MEMO1: variants seen among roughly 807,000 people sequenced by gnomAD.
The protein encoded by MEMO1 is protein MEMO1.
Under a neutral mutation model 45.2 loss-of-function variants are expected in MEMO1, and 6 were observed. The ratio of observed to expected loss-of-function variants is 0.13; its 90% CI spans 0.07 to 0.26. The LOEUF (loss-of-function observed/expected upper bound fraction) is 0.26, where lower values mean the gene tolerates loss of function less well. Among genes scored for constraint, MEMO1 ranks in the 10% least tolerant of loss-of-function variants. The probability of loss-of-function intolerance (pLI) is 1.00; values close to 1 mark genes in which losing one functional copy is unlikely to be tolerated. For synonymous variants in MEMO1, 78 were observed against 124.3 expected, an observed-to-expected ratio of 0.63 and a Z score of 2.48; for missense variants, 184 against 370.5, an observed-to-expected ratio of 0.50 and a Z score of 4.13.
At chr2:31,914,406 A>T (rs1681099098) in intron 6 of MEMO1, among the ~76,000 whole-genome samples, 1 of 152,324 alleles carries the variant, frequency 6.6e-6, no homozygotes. Flanking sequence ...ACAAAACAAA[A>T]TGAGTAAGAA....
intron 8 of MEMO1, among the ~76,000 whole-genome samples, chr2:31,873,639 A>G (rs1239344434): frequency 6.6e-6 from 1 of 152,190 alleles, no homozygotes; most frequent in Non-Finnish European, 1.5e-5. Context: ...GTAGCAAAAC[A>G]TTTTAGAGGC....
chr2:31,940,793 A>G (rs1470357659), intron 3 of MEMO1, among the ~76,000 whole-genome samples: 6 of 152,154 alleles, frequency 3.9e-5, no homozygotes. Context: ...TAGGCCTCCC[A>G]AAGGGCTGGG....
chr2:31,920,205 T>C (rs963222015), intron 5 of MEMO1, among the ~76,000 whole-genome samples: 3 of 151,898 alleles, frequency 2.0e-5, no homozygotes, highest in Admixed American at 1.3e-4. Context: ...AATCAAAAGA[T>C]TTTTACTTTA....
At chr2:32,008,638 T>A (rs1352965368) in intron 2 of MEMO1, among the ~76,000 whole-genome samples, 2 of 152,140 alleles carry the variant, frequency 1.3e-5, no homozygotes, top group African/African-American at 2.4e-5. Context: ...TGAACAAGAA[T>A]AATTTAACTG....
chr2:31,943,260 T>A, intron 3 of MEMO1, 42 bp downstream of exon 3: 1 of 1,483,308 alleles, frequency 6.7e-7, no homozygotes, highest in Non-Finnish European at 9.4e-7. Flanking sequence ...GGGAGACTCC[T>A]TCTCAAAAAA....
chr2:31,901,450 T>C (rs986392479), intron 6 of MEMO1, among the ~76,000 whole-genome samples: 8 of 145,016 alleles, frequency 5.5e-5, no homozygotes, highest in African/African-American at 2.1e-4. Flanking sequence ...TCAAAAACAG[T>C]ATCCTAAGTG....
intron 2 of MEMO1, among the ~76,000 whole-genome samples, chr2:31,957,142 C>CAA (rs754542523): frequency 5.4e-4 from 42 of 77,660 alleles, no homozygotes; most frequent in African/African-American, 1.8e-3. Flanking sequence ...AACTCCGTCT[C>CAA]AAAAAAAAAA....
At chr2:31,897,396 T>C (rs1483549633) in intron 6 of MEMO1, among the ~76,000 whole-genome samples, 1 of 152,230 alleles carries the variant, frequency 6.6e-6, no homozygotes, top group Non-Finnish European at 1.5e-5. Context: ...ATTCCATCAA[T>C]ATCTAGTTTA....
intron 2 of MEMO1, among the ~76,000 whole-genome samples, chr2:31,979,763 T>C (rs1670424153): frequency 2.0e-5 from 3 of 152,082 alleles, no homozygotes; most frequent in South Asian, 2.1e-4. Flanking sequence ...ATTGCTTTAG[T>C]TGATGATTGT....
intron 7 of MEMO1, among the ~76,000 whole-genome samples, chr2:31,887,433 T>G (rs1179831359): frequency 6.6e-6 from 1 of 152,160 alleles, no homozygotes; most frequent in Admixed American, 6.6e-5. Flanking sequence ...CTGTCACACA[T>G]TTACTTAATC....
intron 8 of MEMO1, among the ~76,000 whole-genome samples, chr2:31,875,758 C>T (rs985299843): frequency 1.3e-5 from 2 of 152,090 alleles, no homozygotes; most frequent in African/African-American, 4.8e-5. Flanking sequence ...GCAATCTCGG[C>T]TCACTGTAAC....
intron 6 of MEMO1, among the ~76,000 whole-genome samples, chr2:31,910,220 T>C (rs941775462): frequency 1.3e-5 from 2 of 151,622 alleles, no homozygotes; most frequent in African/African-American, 4.8e-5. Flanking sequence ...ATTGAGGGAG[T>C]TTGTCAATTT....
At chr2:31,894,680 G>C (rs145504938) in intron 6 of MEMO1, among the ~76,000 whole-genome samples, 11 of 152,282 alleles carry the variant, frequency 7.2e-5, no homozygotes, top group African/African-American at 2.6e-4. Flanking sequence ...AAACCTGAGA[G>C]ACCTAGCTCT....
At chr2:31,912,048 T>G (rs1278818882) in intron 6 of MEMO1, among the ~76,000 whole-genome samples, 2 of 152,040 alleles carry the variant, frequency 1.3e-5, no homozygotes, top group Non-Finnish European at 2.9e-5. Flanking sequence ...AAAAAGCAAT[T>G]ATAGGCTGGG....
chr2:31,942,339 G>T (rs1288592980), intron 3 of MEMO1, among the ~76,000 whole-genome samples: 1 of 151,904 alleles, frequency 6.6e-6, no homozygotes, highest in Admixed American at 6.6e-5. Flanking sequence ...AAATCATCGG[G>T]ATTAAATTAG....
At chr2:32,001,032 A>ATTTTTT (rs66617379) in intron 2 of MEMO1, among the ~76,000 whole-genome samples, 89 of 104,508 alleles carry the variant, frequency 8.5e-4, no homozygotes, top group Non-Finnish European at 1.1e-3. Context: ...ATAAATTTTG[A>ATTTTTT]TTTTTTTTTT....
At chr2:31,934,934 TA>T (rs1664737425) in intron 3 of MEMO1, among the ~76,000 whole-genome samples, 1 of 152,034 alleles carries the variant, frequency 6.6e-6, no homozygotes, top group African/African-American at 2.4e-5. Context: ...TGATAGAGTC[TA>T]AAAAAGAAAA....
intron 6 of MEMO1, among the ~76,000 whole-genome samples, chr2:31,898,619 G>A (rs1213067503): frequency 2.0e-5 from 3 of 152,132 alleles, no homozygotes; most frequent in African/African-American, 7.2e-5. Context: ...GCTGAGGAGT[G>A]TTTTACTTCC....
chr2:32,001,967 G>T (rs1188295304), intron 2 of MEMO1, among the ~76,000 whole-genome samples: 2 of 151,478 alleles, frequency 1.3e-5, no homozygotes, highest in African/African-American at 2.4e-5. Flanking sequence ...CCAACATGGT[G>T]AAACCCCGTC....
Sources: allele counts gnomAD v4.1 joint callset (sites outside exome capture counted in the v4.1 genomes callset), GRCh38; gene constraint gnomAD v4.1.1; transcripts MANE v1.5; gene names NCBI Gene and HGNC (gene_info 2026-07-23, HGNC 2026-07-21).